The following EAPP variants were observed in gnomAD, a reference collection of about 807,000 sequenced individuals.
EAPP encodes E2F-associated phosphoprotein.
Under a neutral mutation model 34.3 loss-of-function variants are expected in EAPP, and 38 were observed. That is an observed-to-expected ratio of 1.11 (90% confidence interval 0.85 to 1.45). EAPP has a LOEUF of 1.45. Among genes scored for constraint, EAPP ranks in the 40% most tolerant of loss-of-function variants. EAPP has a pLI of 0.00. For missense variants in EAPP, 338 were observed against 343.7 expected, an observed-to-expected ratio of 0.98 and a Z score of 0.13; for synonymous variants, 113 against 117.6, an observed-to-expected ratio of 0.96 and a Z score of 0.25.
chr14:34,529,453 C>T lies in EAPP; in HGVS notation c.375G>A (p.Lys125=). The T allele has an allele frequency of 1.2e-6, 2 of 1,611,116 alleles. No individual in the cohort carries two copies. Among genetic ancestry groups the T allele is most frequent in the Middle Eastern group, 1.7e-4 (1 of 6,056 alleles). ...DRAVQVTKKK[K]KKQHKIPTND... ...TTGTTGGAATCTTGTGTTGTTTCTTCTTTTTTTTCTTGGTCACCTGTACTA... is the reference window on the plus strand; with the variant it reads ...TTGTTGGAATCTTGTGTTGTTTCTTTTTTTTTTTCTTGGTCACCTGTACTA... Residue 125 remains lysine, a synonymous_variant, in exon 4 of 6, where the codon AAG becomes AAA. Transcript: ENST00000250454.
Position 34,516,537 on chromosome 14 carries a change from A to G in EAPP, c.631T>C (p.Ser211Pro), listed in dbSNP as rs775493364. The change falls in exon 6 of 6, where the codon TCT becomes CCT. Residue 211 changes from serine (S) to proline (P), a missense_variant. Ser to Pro is a moderately conservative substitution (Grantham distance 74). Coordinates refer to ENST00000250454, the MANE Select transcript of EAPP (RefSeq NM_018453.4). Reference protein sequence around the residue: ...QYRAMFVMNCSINKEEVLRYK... With the variant: ...QYRAMFVMNCPINKEEVLRYK... ...CTTAGAACCTCCTCTTTGTTAATAG[A>G]ACAATTCATTACAAACATTGCTCTA... The G allele has an allele frequency of 2.5e-6, 4 of 1,613,936 alleles. No homozygotes were observed. The Admixed American group carries it at 6.7e-5, about 27-fold the overall frequency.
chr14:34,519,305 C>T lies in EAPP; in HGVS notation c.582-2719G>A, dbSNP rs369385224. 1.0e-3 allele frequency among the ~76,000 whole-genome samples: 159 copies of T among 152,190 alleles called. No individual in the cohort carries two copies. In the South Asian group the frequency reaches 0.032, roughly 31 times the overall value. ...ATCCCAGCACTTTGGGAGGTCAAGG[C>T]GGGTGGATCACCTGAGGTCAGGAGT... On this transcript the variant is annotated intron_variant, in intron 5 of 5. Transcript: ENST00000250454.
rs1338256091 is a variant in EAPP at position 34,539,549 on chromosome 14, G to A, written c.74+6C>T. 4.4e-6 allele frequency: 7 copies of A among 1,605,142 alleles called. No individual in the cohort carries two copies. In the South Asian group the frequency reaches 5.5e-5, roughly 13 times the overall value. The stretch of plus-strand genomic sequence containing the variant: ...CCTCGGGGGCCAGGGTGGGGCGGGA[G>A]CCCACCTGCTCAAAGCCGGCTCCTC... On this transcript the variant is annotated splice_donor_region_variant and intron_variant, in intron 1 of 5. Transcript: ENST00000250454.
At chr14:34,534,922 C>T (rs1476100148) in intron 2 of EAPP, among the ~76,000 whole-genome samples, 1 of 151,836 alleles carries the variant, frequency 6.6e-6, no homozygotes, top group African/African-American at 2.4e-5. Flanking sequence ...TCACTGCAAC[C>T]TCTGCCTCCC....
intron 4 of EAPP, among the ~76,000 whole-genome samples, chr14:34,525,527 A>G (rs112436642): frequency 2.0e-3 from 298 of 152,274 alleles, no homozygotes; most frequent in Non-Finnish European, 3.7e-3. Flanking sequence ...GGCCTCCTAC[A>G]TAGACCTGAT....
intron 4 of EAPP, among the ~76,000 whole-genome samples, chr14:34,527,688 G>A (rs1260627890): frequency 6.6e-6 from 1 of 152,152 alleles, no homozygotes; most frequent in African/African-American, 2.4e-5. Context: ...ACTATGCCCA[G>A]TGAAAGAAGC....
Position 34,536,226 on chromosome 14 carries a change from G to A in EAPP, c.124C>T (p.Arg42Ter), listed in dbSNP as rs754374098. Reference protein sequence around the residue: ...VLLHGTPDQKRKLIRECLTGE... With the variant: ...VLLHGTPDQK ...GTAAGACATTCTCTGATGAGTTTTC[G>A]TTTTTGGTCAGGAGTTCCATGTAAA... is the stretch of plus-strand genomic sequence containing the variant. The change falls in exon 2 of 6, where the codon CGA becomes TGA. Residue 42 changes from arginine (R) to a stop codon, truncating the protein, a stop_gained. Transcript: ENST00000250454. LOFTEE classifies it high-confidence loss of function. The A allele has an allele frequency of 8.6e-5, 138 of 1,611,682 alleles. No homozygotes were observed. The highest frequency in any genetic ancestry group is 1.1e-4 in the Non-Finnish European group (125 of 1,179,328).
chr14:34,524,912 T>C, intron 4 of EAPP, 105 bp from the exon 5 acceptor site: 1 of 810,242 alleles, frequency 1.2e-6, no homozygotes, highest in Non-Finnish European at 2.0e-6. Context: ...GAGAAATGGC[T>C]AATTCTAGGA....
intron 3 of EAPP, 37 bp from the exon 4 acceptor site, chr14:34,529,512 T>C (rs372486406): frequency 6.7e-6 from 9 of 1,346,464 alleles, no homozygotes; most frequent in Middle Eastern, 1.8e-4. Flanking sequence ...CTAAGAATCA[T>C]GTGTCAAGTT....
At chr14:34,530,934 A>G (rs1463995163) in intron 3 of EAPP, among the ~76,000 whole-genome samples, 1 of 148,704 alleles carries the variant, frequency 6.7e-6, no homozygotes, top group Non-Finnish European at 1.5e-5. Context: ...AAAGAAAGAA[A>G]GAAAGGAAGA....
chr14:34,532,287 G>A (rs749005663), intron 3 of EAPP, among the ~76,000 whole-genome samples: 2 of 151,424 alleles, frequency 1.3e-5, no homozygotes, highest in Non-Finnish European at 1.5e-5. Context: ...GTGAAACCCC[G>A]TTTCTCCTAA....
At chr14:34,528,129 C>A (rs1880155183) in intron 4 of EAPP, among the ~76,000 whole-genome samples, 1 of 150,788 alleles carries the variant, frequency 6.6e-6, no homozygotes, top group Admixed American at 6.7e-5. Context: ...GCAACCTCCA[C>A]CTCCTGGGAT....
At chr14:34,528,773 A>G (rs1388261281) in intron 4 of EAPP, among the ~76,000 whole-genome samples, 1 of 152,018 alleles carries the variant, frequency 6.6e-6, no homozygotes, top group Non-Finnish European at 1.5e-5. Context: ...CTGAAAAAAA[A>G]AGTCAGTTTT....
chr14:34,535,172 C>T (rs1361068926), intron 2 of EAPP, among the ~76,000 whole-genome samples: 1 of 150,782 alleles, frequency 6.6e-6, no homozygotes, highest in Non-Finnish European at 1.5e-5. Flanking sequence ...CTCTGTTGCC[C>T]TGGCTGGGGT....
chr14:34,537,566 T>C (rs1566452471), intron 1 of EAPP, among the ~76,000 whole-genome samples: 1 of 152,214 alleles, frequency 6.6e-6, no homozygotes. Context: ...TTTCTCAGGA[T>C]TGTGTTTGCA....
chr14:34,535,926 T>C (rs1415634129), intron 2 of EAPP, 168 bp downstream of exon 2: 15 of 533,352 alleles, frequency 2.8e-5, no homozygotes, highest in Non-Finnish European at 4.2e-5. Context: ...CTTTTTTAAA[T>C]GAGAAAAGGA....
intron 4 of EAPP, among the ~76,000 whole-genome samples, chr14:34,526,898 C>T (rs535427607): frequency 8.0e-5 from 12 of 150,552 alleles, no homozygotes; most frequent in South Asian, 6.3e-4. Flanking sequence ...TGACCGGGTG[C>T]GGTGGCTCAT....
At chr14:34,525,935 G>A (rs1555320106) in intron 4 of EAPP, among the ~76,000 whole-genome samples, 1 of 151,884 alleles carries the variant, frequency 6.6e-6, no homozygotes, top group Non-Finnish European at 1.5e-5. Flanking sequence ...CAGGAGAATC[G>A]GTTGAACCCA....
chr14:34,536,450 C>A, intron 1 of EAPP, 175 bp from the exon 2 acceptor site: 26 of 352,924 alleles, frequency 7.4e-5, no homozygotes, highest in Non-Finnish European at 1.1e-4. Context: ...TATTTCCAAT[C>A]TTCTTTAATT....
Sources: gnomAD v4.1 joint callset for allele counts (sites outside exome capture counted in the v4.1 genomes callset) on GRCh38, gnomAD v4.1.1 for gene constraint, MANE v1.5 for transcripts, NCBI Gene and HGNC (gene_info 2026-07-23, HGNC 2026-07-21) for gene names.